PRPF39: variants seen among roughly 807,000 people sequenced by gnomAD.
PRPF39 encodes the protein pre-mRNA processing factor 39.
Under a neutral mutation model 82.1 loss-of-function variants are expected in PRPF39, and 27 were observed. The ratio of observed to expected loss-of-function variants is 0.33; its 90% CI spans 0.24 to 0.45. The LOEUF (loss-of-function observed/expected upper bound fraction) is 0.45. Ranked by LOEUF, PRPF39 falls within the 20% of genes least tolerant of loss-of-function variation. PRPF39 has a pLI of 1.00. For synonymous variants in PRPF39, 261 were observed against 256.4 expected (o/e 1.02, Z -0.17); for missense variants, 581 against 796.9 (o/e 0.73, Z 3.26).
rs745720509 is a variant in PRPF39 at position 45,108,397 on chromosome 14, TC to T, written c.904-15del. 4 of 1,562,790 alleles carry T rather than the reference TC, an allele frequency of 2.6e-6. No homozygotes were observed. The African/African-American group carries it at 4.2e-5, about 16-fold the overall frequency. On this transcript the variant is annotated splice_polypyrimidine_tract_variant and intron_variant, in intron 6 of 13. Coordinates refer to ENST00000355765, the MANE Select transcript of PRPF39 (RefSeq NM_017922.4). The stretch of plus-strand genomic sequence containing the variant: ...ATACAGTTTGTGAGATTTATTTTTT[TC>T]CCTTTTTCTTCCCAAGCTAATTACA...
intron 1 of PRPF39, among the ~76,000 whole-genome samples, chr14:45,091,402 G>A (rs10143806): frequency 0.17 from 25,764 of 152,116 alleles, 4,185 homozygotes; most frequent in African/African-American, 0.43. Context: ...TTGGCTTCCC[G>A]AAGTGTTGGG....
At chr14:45,086,258 A>G (rs1282950720) in intron 1 of PRPF39, among the ~76,000 whole-genome samples, 4 of 152,174 alleles carry the variant, frequency 2.6e-5, no homozygotes, top group Non-Finnish European at 5.9e-5. Context: ...CCCATTTTTA[A>G]TTAAGTGTTA....
intron 1 of PRPF39, among the ~76,000 whole-genome samples, chr14:45,094,368 A>T (rs1464001541): frequency 6.6e-6 from 1 of 152,162 alleles, no homozygotes; most frequent in Non-Finnish European, 1.5e-5. Flanking sequence ...TTTTAAGTAT[A>T]TTATGTAGTT....
At chr14:45,112,641 A>G in intron 11 of PRPF39, 139 bp downstream of exon 11, 2 of 837,834 alleles carry the variant, frequency 2.4e-6, no homozygotes, top group Non-Finnish European at 3.2e-6. Context: ...TCAGATATAT[A>G]TGGGGGTAAA....
Position 45,114,844 on chromosome 14 carries a change from T to C in PRPF39, c.1954-13T>C. ...AGTTCTAATATGCTAACATACTTAC[T>C]TTTTCCTTTCAGTACAATTATCAGA... On this transcript the variant is annotated splice_polypyrimidine_tract_variant and intron_variant, in intron 13 of 13. Coordinates refer to ENST00000355765, the MANE Select transcript of PRPF39 (RefSeq NM_017922.4). The C allele has an allele frequency of 6.3e-7, 1 of 1,582,706 alleles. No individual in the cohort carries two copies. Among genetic ancestry groups the C allele is most frequent in the Non-Finnish European group, 8.7e-7 (1 of 1,152,226 alleles).
intron 11 of PRPF39, 32 bp downstream of exon 11, chr14:45,112,534 GATAA>G: frequency 2.1e-6 from 3 of 1,421,156 alleles, no homozygotes; most frequent in Non-Finnish European, 2.8e-6. Context: ...CTATTTGAAT[GATAA>G]ATGAGCATTG....
At position 45,097,069 on chromosome 14, in the gene PRPF39, T is replaced by C; in HGVS notation, c.569+64T>C. ...TAAATAATTATTCTGATGTTGATAA[T>C]AGAGCTCATGAAAGCTAAGCTGGAA... On this transcript the variant is annotated intron_variant, in intron 4 of 13. Transcript: ENST00000355765. 2.1e-6 allele frequency: 3 copies of C among 1,452,512 alleles called. No individual in the cohort carries two copies. In the South Asian group the frequency reaches 4.6e-5, roughly 22 times the overall value. 90.0% of individuals were successfully genotyped at this position (1,452,512 alleles called of 1,614,324 possible). A position where few individuals can be genotyped will look rare whatever the true frequency, so the allele number is the denominator to read the frequency against.
At chr14:45,108,619 T>A in intron 7 of PRPF39, 97 bp downstream of exon 7, 1 of 1,407,102 alleles carries the variant, frequency 7.1e-7, no homozygotes, top group Non-Finnish European at 9.3e-7. Flanking sequence ...TGTAACTTTA[T>A]TTTTGCATAT....
chr14:45,098,818 C>A (rs1884282389), intron 4 of PRPF39, among the ~76,000 whole-genome samples: 1 of 152,156 alleles, frequency 6.6e-6, no homozygotes, highest in Non-Finnish European at 1.5e-5. Context: ...TACCTCACTT[C>A]TGGGTGAGTT....
rs1378603229 is a variant in PRPF39 at position 45,110,413 on chromosome 14, A to G, written c.1304-136A>G. Reference sequence around the variant, plus strand: ...TTGTAGCCCCGAAACAGCCATAGGCAGTGTGTAAATATGCATGGCTGTTTC... The same window carrying G: ...TTGTAGCCCCGAAACAGCCATAGGCGGTGTGTAAATATGCATGGCTGTTTC... On this transcript the variant is annotated intron_variant, in intron 9 of 13. Transcript: ENST00000355765. The surrounding 1 kb of genome is among the most constrained non-coding windows in gnomAD (Gnocchi z 4.0). 3 of 1,201,128 alleles carry G rather than the reference A, an allele frequency of 2.5e-6. No individual in the cohort carries two copies. The highest frequency in any genetic ancestry group is 2.3e-6 in the Non-Finnish European group (2 of 868,692). 74.4% of individuals were successfully genotyped at this position (1,201,128 alleles called of 1,614,324 possible).
At position 45,114,910 on chromosome 14, in the gene PRPF39, C is replaced by T; in HGVS notation, c.2007C>T (p.Thr669=). 1.3e-6 allele frequency: 2 copies of T among 1,591,820 alleles called. No individual in the cohort carries two copies. Among genetic ancestry groups the T allele is most frequent in the Non-Finnish European group, 1.7e-6 (2 of 1,160,592 alleles). The change falls in exon 14 of 14, where the codon ACC becomes ACT. Residue 669 remains threonine, a synonymous_variant. Coordinates refer to ENST00000355765, the MANE Select transcript of PRPF39 (RefSeq NM_017922.4). ...NYGQYYPPPP[T] ...GACAATATTATCCTCCCCCTCCAACCTGATGGGAAAAATGTAAATTTCAAA... is the reference window on the plus strand; with the variant it reads ...GACAATATTATCCTCCCCCTCCAACTTGATGGGAAAAATGTAAATTTCAAA...
chr14:45,086,745 A>G (rs2139031033), intron 1 of PRPF39, among the ~76,000 whole-genome samples: 1 of 151,906 alleles, frequency 6.6e-6, no homozygotes, highest in Non-Finnish European at 1.5e-5. Context: ...CCTCATTCTC[A>G]CCCAATTTAA....
Position 45,096,171 on chromosome 14 carries a change from C to T in PRPF39, c.393C>T (p.Tyr131=). 6.3e-7 allele frequency: 1 copy of T among 1,591,602 alleles called. No individual in the cohort carries two copies. The highest frequency in any genetic ancestry group is 8.6e-7 in the Non-Finnish European group (1 of 1,168,208). Residue 131 remains tyrosine, a synonymous_variant, in exon 3 of 14, where the codon TAC becomes TAT. Coordinates refer to ENST00000355765, the MANE Select transcript of PRPF39 (RefSeq NM_017922.4). ...FFIHYPYCYG[Y]WKKYADLEKR... is the part of the protein sequence containing the mutation. ...TACACTATCCGTATTGCTATGGTTA[C>T]TGGAAAAAGTATGCAGACCTTGAAA...
In PRPF39 at chr14:45,096,086, T is replaced by C; in HGVS notation, c.325-17T>C. 6.5e-7 allele frequency: 1 copy of C among 1,539,732 alleles called. No homozygotes were observed. Among genetic ancestry groups the C allele is most frequent in the South Asian group, 1.2e-5 (1 of 82,398 alleles). On this transcript the variant is annotated splice_polypyrimidine_tract_variant and intron_variant, in intron 2 of 13. Coordinates refer to ENST00000355765, the MANE Select transcript of PRPF39 (RefSeq NM_017922.4). The stretch of plus-strand genomic sequence containing the variant: ...AGAAATTTCCACAATATTTAAATAC[T>C]GTTTTATTTTTATCAGAATCACTTG...
chr14:45,108,199 G>GA (rs1566697834), intron 6 of PRPF39, among the ~76,000 whole-genome samples: 1 of 151,854 alleles, frequency 6.6e-6, no homozygotes, highest in Non-Finnish European at 1.5e-5. Flanking sequence ...CCCAATTTAA[G>GA]AAAAAAAGAA....
At chr14:45,092,516 G>A (rs963532535) in intron 1 of PRPF39, among the ~76,000 whole-genome samples, 1 of 149,510 alleles carries the variant, frequency 6.7e-6, no homozygotes, top group South Asian at 2.1e-4. Flanking sequence ...CAGGAGAATC[G>A]CTTGAACCCG....
chr14:45,110,289 A>G lies in PRPF39; in HGVS notation c.1303+69A>G. The stretch of plus-strand genomic sequence containing the variant: ...TATTTCAGGAAACAGTGACAAATTG[A>G]GTGGTAAGGGATGGTGTAAAGCAGA... On this transcript the variant is annotated intron_variant, in intron 9 of 13. Transcript: ENST00000355765. The surrounding 1 kb of genome is among the most constrained non-coding windows in gnomAD (Gnocchi z 4.0). The G allele has an allele frequency of 3.2e-6, 5 of 1,582,774 alleles. No individual in the cohort carries two copies. Among genetic ancestry groups the G allele is most frequent in the Non-Finnish European group, 4.3e-6 (5 of 1,158,032 alleles).
At position 45,112,491 on chromosome 14, in the gene PRPF39, CG is replaced by C; in HGVS notation, c.1747del (p.Asp583MetfsTer6). The C allele has an allele frequency of 6.7e-7, 1 of 1,501,214 alleles. No individual in the cohort carries two copies. The highest frequency in any genetic ancestry group is 8.8e-7 in the Non-Finnish European group (1 of 1,133,668). The allele number at this position is 1,501,214 out of a possible 1,614,324, so 93.0% of individuals were successfully genotyped here. On this transcript the variant is annotated frameshift_variant, in exon 11 of 14. Coordinates refer to ENST00000355765, the MANE Select transcript of PRPF39 (RefSeq NM_017922.4). LOFTEE classifies it high-confidence loss of function. The part of the protein sequence containing the change: ...KVEFLEDFGS[D>X]VNKLLNAYDE... ...TGGAATTTCTTGAAGATTTTGGTTCCGATGTTAATAAGTAAGATATTAGTTA... is the reference window on the plus strand; with the variant it reads ...TGGAATTTCTTGAAGATTTTGGTTCCATGTTAATAAGTAAGATATTAGTTA...
At chr14:45,087,935 A>T (rs1297986020) in intron 1 of PRPF39, among the ~76,000 whole-genome samples, 1 of 151,862 alleles carries the variant, frequency 6.6e-6, no homozygotes, top group Non-Finnish European at 1.5e-5. Context: ...ATCACTTCCC[A>T]TTTGGTTATG....
Sources: allele counts gnomAD v4.1 joint callset (sites outside exome capture counted in the v4.1 genomes callset), GRCh38; gene constraint gnomAD v4.1.1; non-coding constraint Gnocchi (gnomAD v3.1); transcripts MANE v1.5; gene names NCBI Gene and HGNC (gene_info 2026-07-23, HGNC 2026-07-21).